The following PDE8A variants were observed in gnomAD, a reference collection of about 807,000 sequenced individuals.
PDE8A encodes phosphodiesterase 8A.
PDE8A carries 59 observed loss-of-function variants against 105.0 expected under a neutral mutation model. The ratio of observed to expected loss-of-function variants is 0.56; its 90% CI spans 0.46 to 0.70. The LOEUF (loss-of-function observed/expected upper bound fraction) is 0.70. PDE8A is among the 30% of genes least tolerant of loss of function. The probability of loss-of-function intolerance (pLI) is 0.00; values close to 1 mark genes in which losing one functional copy is unlikely to be tolerated. For missense variants in PDE8A, 1,014 were observed against 1,045.9 expected (o/e 0.97, Z 0.42); for synonymous variants, 355 against 371.9 (o/e 0.95, Z 0.52).
chr15:85,073,150 A>C (rs968709882), intron 3 of PDE8A, among the ~76,000 whole-genome samples: 11 of 152,244 alleles, frequency 7.2e-5, no homozygotes, highest in African/African-American at 2.6e-4. Context: ...TTCCCTGAGT[A>C]CTTAACACTG....
intron 1 of PDE8A, among the ~76,000 whole-genome samples, chr15:84,995,912 G>A (rs956611792): frequency 4.0e-5 from 6 of 151,810 alleles, no homozygotes; most frequent in African/African-American, 1.5e-4. Context: ...TGTGAGAGGT[G>A]GTATTTTATT....
At chr15:85,082,490 A>G (rs1479866695) in intron 5 of PDE8A, among the ~76,000 whole-genome samples, 1 of 152,194 alleles carries the variant, frequency 6.6e-6, no homozygotes, top group Middle Eastern at 3.4e-3. Flanking sequence ...ATATACAATC[A>G]TACAGCTTTT....
At chr15:85,011,935 A>G (rs1163528009) in intron 1 of PDE8A, among the ~76,000 whole-genome samples, 1 of 152,242 alleles carries the variant, frequency 6.6e-6, no homozygotes, top group Non-Finnish European at 1.5e-5. Context: ...CAGCCAAAAA[A>G]CACATGAAAA....
chr15:85,047,397 G>A (rs1039147516), intron 1 of PDE8A, among the ~76,000 whole-genome samples: 2 of 152,128 alleles, frequency 1.3e-5, no homozygotes, highest in African/African-American at 2.4e-5. Context: ...TGGTTATTTT[G>A]GGGGGAGCAG....
At chr15:84,983,455 G>GT (rs1159621001) in intron 1 of PDE8A, among the ~76,000 whole-genome samples, 1 of 152,178 alleles carries the variant, frequency 6.6e-6, no homozygotes, top group Non-Finnish European at 1.5e-5. Context: ...TCTAGCAGTC[G>GT]TCATGATACT....
At position 85,126,349 on chromosome 15, in the gene PDE8A, G is replaced by A. The variant is rs1289850505; in HGVS notation, c.2228G>A (p.Arg743His). The change falls in exon 20 of 22, where the codon CGC (arginine) becomes CAC (histidine). Residue 743 changes from arginine (R) to histidine (H), a missense_variant. Physicochemically the swap from Arg to His is conservative, Grantham distance 29. Coordinates refer to ENST00000394553, the MANE Select transcript of PDE8A (RefSeq NM_002605.3). ...CAGTACTGCATCGAGTGGGCTGCAC[G>A]CATTTCGGAAGAATATTTTTCTCAG... is the stretch of plus-strand genomic sequence containing the variant. ...PLQYCIEWAA[R>H]ISEEYFSQTD... The A allele has an allele frequency of 3.2e-6, 5 of 1,581,706 alleles. No homozygotes were observed. The highest frequency in any genetic ancestry group is 2.3e-5 in the East Asian group (1 of 43,868).
intron 1 of PDE8A, among the ~76,000 whole-genome samples, chr15:85,004,358 G>A (rs2080111937): frequency 6.6e-6 from 1 of 152,106 alleles, no homozygotes. Context: ...CTAATTCAGG[G>A]GCAGGCATGT....
intron 1 of PDE8A, among the ~76,000 whole-genome samples, chr15:85,042,378 T>G (rs2080824123): frequency 6.6e-6 from 1 of 152,054 alleles, no homozygotes; most frequent in Non-Finnish European, 1.5e-5. Flanking sequence ...TGGCTGGTCT[T>G]GAACTCCTGG....
intron 1 of PDE8A, among the ~76,000 whole-genome samples, chr15:85,033,920 G>C (rs2599364): frequency 0.71 from 108,635 of 152,092 alleles, 38,934 homozygotes; most frequent in Non-Finnish European, 0.75. Flanking sequence ...AAATAGTGGA[G>C]AAAACAAAAG....
Position 85,113,825 on chromosome 15 carries a change from ACT to A in PDE8A, c.1186-47_1186-46del, listed in dbSNP as rs775235558. The A allele has an allele frequency of 2.6e-5, 38 of 1,446,682 alleles. No homozygotes were observed. The African/African-American group carries it at 5.2e-4, about 20-fold the overall frequency. 89.6% of individuals were successfully genotyped at this position (1,446,682 alleles called of 1,614,324 possible). On this transcript the variant is annotated intron_variant, in intron 13 of 21. Coordinates refer to ENST00000394553, the MANE Select transcript of PDE8A (RefSeq NM_002605.3). ...ACGTACTGCCATGCCTGGCTCTCCC[ACT>A]GTTTTTAAGGTTATGAAACTCAAGT...
intron 1 of PDE8A, among the ~76,000 whole-genome samples, chr15:84,992,289 G>C (rs1288077242): frequency 2.0e-5 from 3 of 152,140 alleles, no homozygotes; most frequent in African/African-American, 4.8e-5. Context: ...AAGAGGAAAG[G>C]AGGGAGAGGT....
At chr15:85,068,903 A>G (rs2081271804) in intron 3 of PDE8A, among the ~76,000 whole-genome samples, 1 of 152,234 alleles carries the variant, frequency 6.6e-6, no homozygotes, top group Non-Finnish European at 1.5e-5. Context: ...AAGAAACATA[A>G]CATTAACTTT....
chr15:85,084,544 C>T (rs948229844), intron 6 of PDE8A, among the ~76,000 whole-genome samples: 13 of 152,164 alleles, frequency 8.5e-5, no homozygotes, highest in African/African-American at 3.1e-4. Flanking sequence ...GTCATCTCAG[C>T]CTGGCTGCAG....
At chr15:85,106,481 AAG>A (rs3029849) in intron 11 of PDE8A, among the ~76,000 whole-genome samples, 13,255 of 152,194 alleles carry the variant, frequency 0.087, 1,579 homozygotes, top group African/African-American at 0.27. Context: ...AGTGGAATAA[AAG>A]AGAGAAGAAT....
chr15:85,124,003 C>T (rs1396503996), intron 19 of PDE8A, among the ~76,000 whole-genome samples: 1 of 152,196 alleles, frequency 6.6e-6, no homozygotes, highest in Admixed American at 6.5e-5. Flanking sequence ...GCCACTCCCA[C>T]TGGGCACATA....
At chr15:85,011,358 GTACTGGTCCA>G (rs1456703134) in intron 1 of PDE8A, among the ~76,000 whole-genome samples, 8 of 152,146 alleles carry the variant, frequency 5.3e-5, no homozygotes, top group Non-Finnish European at 1.0e-4. Context: ...GAGCCAGAGA[GTACTGGTCCA>G]AAACTCAACC....
At chr15:85,132,874 G>C (rs2082349247) in intron 20 of PDE8A, among the ~76,000 whole-genome samples, 1 of 151,950 alleles carries the variant, frequency 6.6e-6, no homozygotes, top group African/African-American at 2.4e-5. Flanking sequence ...TTAGGTCTTT[G>C]AGCATATTTA....
At chr15:85,037,265 A>G (rs552098620) in intron 1 of PDE8A, among the ~76,000 whole-genome samples, 12 of 152,178 alleles carry the variant, frequency 7.9e-5, no homozygotes, top group African/African-American at 2.4e-4. Flanking sequence ...GGGTTTCTCT[A>G]TGTTGGTCAC....
At chr15:85,050,706 G>A (rs557474192) in intron 1 of PDE8A, among the ~76,000 whole-genome samples, 1 of 152,072 alleles carries the variant, frequency 6.6e-6, no homozygotes, top group Non-Finnish European at 1.5e-5. Context: ...ACATTATTTT[G>A]ATCACTGTAG....
Sources: allele counts gnomAD v4.1 joint callset (sites outside exome capture counted in the v4.1 genomes callset), GRCh38; gene constraint gnomAD v4.1.1; transcripts MANE v1.5; gene names NCBI Gene and HGNC (gene_info 2026-07-23, HGNC 2026-07-21).